Variants in FHOD3 observed in about 807,000 individuals in gnomAD.
FHOD3 encodes the protein formin homology 2 domain containing 3, also known as FH1/FH2 domain-containing protein 3.
Under a neutral mutation model 173.0 loss-of-function variants are expected in FHOD3, and 90 were observed. That is an observed-to-expected ratio of 0.52 (90% confidence interval 0.44 to 0.62). The LOEUF is 0.62. Among genes scored for constraint, FHOD3 ranks in the 20% least tolerant of loss-of-function variants. The pLI is 0.00. For missense variants in FHOD3, 1,945 were observed against 2,034.7 expected (o/e 0.96, Z 0.85); for synonymous variants, 828 against 823.0 (o/e 1.01, Z -0.10).
intron 10 of FHOD3, among the ~76,000 whole-genome samples, chr18:36,628,948 G>A (rs973793984): frequency 3.9e-5 from 6 of 152,180 alleles, no homozygotes; most frequent in Non-Finnish European, 7.3e-5. Context: ...GACTTAACAC[G>A]TGAACTTTCA....
chr18:36,674,400 G>T lies in FHOD3; in HGVS notation c.1836-7036G>T, dbSNP rs188892112. 3.0e-3 allele frequency among the ~76,000 whole-genome samples: 461 copies of T among 152,240 alleles called. 1 individual carries two copies. The highest frequency in any genetic ancestry group is 4.6e-3 in the Admixed American group (71 of 15,280). ...AAAATTTATTTTTATTTTTTTGAGAGACAGGGTCTTGCTCTGTCACCCAGG... is the reference window on the plus strand; with the variant it reads ...AAAATTTATTTTTATTTTTTTGAGATACAGGGTCTTGCTCTGTCACCCAGG... On this transcript the variant is annotated intron_variant, in intron 14 of 28. Transcript: ENST00000590592.
intron 2 of FHOD3, among the ~76,000 whole-genome samples, chr18:36,367,651 T>C (rs1276855428): frequency 6.6e-6 from 1 of 152,182 alleles, no homozygotes. Flanking sequence ...GGAAGCCCTA[T>C]GAAGGCAGAT....
intron 3 of FHOD3, among the ~76,000 whole-genome samples, chr18:36,431,988 T>C (rs1343732324): frequency 6.6e-6 from 1 of 152,206 alleles, no homozygotes; most frequent in African/African-American, 2.4e-5. Flanking sequence ...CACATAGATA[T>C]AAAGATTTAA....
chr18:36,596,179 G>T (rs1458687289), intron 7 of FHOD3, among the ~76,000 whole-genome samples: 1 of 152,026 alleles, frequency 6.6e-6, no homozygotes, highest in Non-Finnish European at 1.5e-5. Context: ...TTTTGAGACG[G>T]AGTCTTGCTC....
chr18:36,590,130 G>A (rs80188549), intron 6 of FHOD3, among the ~76,000 whole-genome samples: 7 of 152,016 alleles, frequency 4.6e-5, no homozygotes, highest in Non-Finnish European at 5.9e-5. Context: ...TATCCTCCCC[G>A]ATTTGCCTCT....
chr18:36,361,358 T>A (rs2046604479), intron 2 of FHOD3, among the ~76,000 whole-genome samples: 1 of 151,800 alleles, frequency 6.6e-6, no homozygotes, highest in Non-Finnish European at 1.5e-5. Context: ...CTTCAGAAGG[T>A]TTGGAGTGAG....
chr18:36,304,874 T>A (rs1205939139), intron 1 of FHOD3, among the ~76,000 whole-genome samples: 1 of 152,228 alleles, frequency 6.6e-6, no homozygotes. Flanking sequence ...CTAAGGCTGT[T>A]GATGCCCATG....
intron 10 of FHOD3, among the ~76,000 whole-genome samples, chr18:36,648,664 T>TA (rs2035847549): frequency 1.3e-5 from 2 of 152,172 alleles, no homozygotes; most frequent in East Asian, 3.9e-4. Context: ...TCCCTGATGG[T>TA]ACCAGGAGAA....
Position 36,364,773 on chromosome 18 carries a change from C to T in FHOD3, c.273-7907C>T, listed in dbSNP as rs77267193. Among the ~76,000 whole-genome samples the T allele has an allele frequency of 8.4e-3, 1,276 of 152,234 alleles. 15 individuals carry two copies. The highest frequency in any genetic ancestry group is 0.029 in the African/African-American group (1,185 of 41,536). ...GTGGGTAACCAGCAGCATCTGCCTCCGCAAGAAGAGAGGACATTTCAAAGA... is the reference window on the plus strand; with the variant it reads ...GTGGGTAACCAGCAGCATCTGCCTCTGCAAGAAGAGAGGACATTTCAAAGA... On this transcript the variant is annotated intron_variant, in intron 2 of 28. Coordinates refer to ENST00000590592, the MANE Select transcript of FHOD3 (RefSeq NM_001281740.3).
At chr18:36,740,893 C>T in intron 21 of FHOD3, 55 bp downstream of exon 21, 1 of 1,533,152 alleles carries the variant, frequency 6.5e-7, no homozygotes, top group Non-Finnish European at 8.8e-7. Context: ...TTGAGAAAGG[C>T]AGTTTTTCAT....
At chr18:36,502,085 A>G in intron 4 of FHOD3, 86 bp downstream of exon 4, 1 of 775,560 alleles carries the variant, frequency 1.3e-6, no homozygotes, top group Non-Finnish European at 2.0e-6. Context: ...ACTTGTTATG[A>G]AAAGGAAGGA....
intron 28 of FHOD3, among the ~76,000 whole-genome samples, chr18:36,777,023 G>A (rs1202613236): frequency 6.6e-6 from 1 of 152,110 alleles, no homozygotes; most frequent in African/African-American, 2.4e-5. Context: ...GAATTGTTAA[G>A]CATCTTTAAA....
intron 5 of FHOD3, among the ~76,000 whole-genome samples, chr18:36,523,329 G>A (rs747591551): frequency 6.6e-6 from 1 of 152,222 alleles, no homozygotes; most frequent in Non-Finnish European, 1.5e-5. Context: ...TAAAAGCAAC[G>A]AGCAGGAGTT....
intron 1 of FHOD3, among the ~76,000 whole-genome samples, chr18:36,355,012 T>C (rs189659251): frequency 6.6e-6 from 1 of 152,256 alleles, no homozygotes; most frequent in East Asian, 1.9e-4. Flanking sequence ...TTGGGTATAT[T>C]GCCATTCAGT....
intron 18 of FHOD3, among the ~76,000 whole-genome samples, chr18:36,713,674 C>T (rs1600372698): frequency 6.6e-6 from 1 of 152,016 alleles, no homozygotes; most frequent in African/African-American, 2.4e-5. Flanking sequence ...AAAGAAAAGA[C>T]AATATTTAAG....
At chr18:36,380,719 G>A (rs991017408) in intron 3 of FHOD3, among the ~76,000 whole-genome samples, 1 of 149,724 alleles carries the variant, frequency 6.7e-6, no homozygotes, top group Admixed American at 6.7e-5. Flanking sequence ...GTATTTACGA[G>A]TACTTCAAAA....
intron 3 of FHOD3, among the ~76,000 whole-genome samples, chr18:36,465,917 AGACT>A (rs2052892111): frequency 2.0e-5 from 3 of 152,150 alleles, no homozygotes. Flanking sequence ...TCGCCTACTC[AGACT>A]GAGTCTGAGA....
intron 3 of FHOD3, among the ~76,000 whole-genome samples, chr18:36,392,936 C>T (rs1267846511): frequency 6.6e-6 from 1 of 152,196 alleles, no homozygotes; most frequent in Non-Finnish European, 1.5e-5. Flanking sequence ...AAAGTGAAGC[C>T]TGTAACTCAG....
At chr18:36,758,518 A>G (rs559457584) in intron 25 of FHOD3, among the ~76,000 whole-genome samples, 4 of 152,142 alleles carry the variant, frequency 2.6e-5, no homozygotes, top group Non-Finnish European at 4.4e-5. Context: ...TCCTGAGGAG[A>G]GAGTAATGTG....
Sources: gnomAD v4.1 joint callset for allele counts (sites outside exome capture counted in the v4.1 genomes callset) on GRCh38, gnomAD v4.1.1 for gene constraint, MANE v1.5 for transcripts, NCBI Gene and HGNC (gene_info 2026-07-23, HGNC 2026-07-21) for gene names.